The following TSHZ2 variants were observed in gnomAD, a reference collection of about 807,000 sequenced individuals.
The protein encoded by TSHZ2 is teashirt homolog 2.
Under a neutral mutation model 74.4 loss-of-function variants are expected in TSHZ2, and 21 were observed. That is an observed-to-expected ratio of 0.28 (90% confidence interval 0.20 to 0.41). TSHZ2 has a LOEUF of 0.41. Among genes scored for constraint, TSHZ2 ranks in the 10% least tolerant of loss-of-function variants. The pLI is 1.00. For synonymous variants in TSHZ2, 540 were observed against 515.3 expected (o/e 1.05, Z -0.65); for missense variants, 1,244 against 1,293.5 (o/e 0.96, Z 0.59).
chr20:53,388,346 A>G (rs755805538), intron 2 of TSHZ2, among the ~76,000 whole-genome samples: 4 of 152,238 alleles, frequency 2.6e-5, no homozygotes, highest in Non-Finnish European at 4.4e-5. Context: ...ATTATTGGGT[A>G]TTCGCTCTGT....
chr20:53,248,812 T>C (rs1990262414), intron 1 of TSHZ2, among the ~76,000 whole-genome samples: 1 of 152,080 alleles, frequency 6.6e-6, no homozygotes, highest in African/African-American at 2.4e-5. Context: ...AAAAGATGAT[T>C]TATGGGGATG....
At chr20:53,137,618 ACT>A (rs2123403931) in intron 1 of TSHZ2, among the ~76,000 whole-genome samples, 1 of 151,776 alleles carries the variant, frequency 6.6e-6, no homozygotes, top group African/African-American at 2.4e-5. Context: ...TGAGTCCCTA[ACT>A]CTCTTCACCC....
chr20:53,365,561 T>C (rs1354697997), intron 2 of TSHZ2, among the ~76,000 whole-genome samples: 1 of 152,218 alleles, frequency 6.6e-6, no homozygotes, highest in African/African-American at 2.4e-5. Flanking sequence ...AGATGCCGTT[T>C]ACGCTAAGAG....
intron 2 of TSHZ2, among the ~76,000 whole-genome samples, chr20:53,434,837 G>A (rs2145740250): frequency 6.6e-6 from 1 of 152,374 alleles, no homozygotes; most frequent in Non-Finnish European, 1.5e-5. Flanking sequence ...CTTTGGCCAA[G>A]CCGAGAGCAC....
At chr20:53,251,730 G>A (rs373887413) in intron 1 of TSHZ2, among the ~76,000 whole-genome samples, 150 of 152,300 alleles carry the variant, frequency 9.8e-4, no homozygotes, top group African/African-American at 3.5e-3. Flanking sequence ...TTGTTTTACG[G>A]TATTCTGTCA....
At chr20:53,219,402 C>G (rs1252307895) in intron 1 of TSHZ2, among the ~76,000 whole-genome samples, 1 of 152,170 alleles carries the variant, frequency 6.6e-6, no homozygotes, top group Non-Finnish European at 1.5e-5. Flanking sequence ...ATGGAATATT[C>G]ATCCCTGTTT....
At position 53,253,604 on chromosome 20, in the gene TSHZ2, G is replaced by A; in HGVS notation, c.146G>A (p.Gly49Glu). ...VAQLQGGNDT[G>E]TDEELETGPE... ...CAACTGCAGGGTGGCAATGACACAG[G>A]GACGGACGAGGAGCTAGAAACGGGC... The change falls in exon 2 of 3, where the codon GGG (glycine) becomes GAG (glutamate). Residue 49 changes from glycine to glutamate, a missense_variant. Physicochemically the swap from Gly to Glu is moderately conservative, Grantham distance 98. Around this residue, in one of 6 missense-constraint regions of TSHZ2, gnomAD observed 470 missense variants for 456.5 expected, o/e 1.03. Transcript: ENST00000371497. 1.2e-6 allele frequency: 2 copies of A among 1,614,152 alleles called. No individual in the cohort carries two copies. The highest frequency in any genetic ancestry group is 8.5e-7 in the Non-Finnish European group (1 of 1,180,036).
intron 2 of TSHZ2, among the ~76,000 whole-genome samples, chr20:53,355,376 A>G (rs1279357508): frequency 6.6e-6 from 1 of 152,194 alleles, no homozygotes; most frequent in South Asian, 2.1e-4. Flanking sequence ...TCAGCTAGTG[A>G]GTGGACAAAT....
chr20:53,446,578 CAAAAAA>C (rs5841946), intron 2 of TSHZ2, among the ~76,000 whole-genome samples: 75 of 105,822 alleles, frequency 7.1e-4, no homozygotes, highest in African/African-American at 2.4e-3. Flanking sequence ...GACTCTGTCG[CAAAAAA>C]AAAAAAAAAA....
At position 53,463,424 on chromosome 20, in the gene TSHZ2, AAGGAAGGAAGG is replaced by A. The variant is rs1317406101; in HGVS notation, c.*9-23716_*9-23706del. ...GAAGGAAGGAAGGAAGGAAGGAAGG[AAGGAAGGAAGG>A]AGGGAGGGAGGGAAGGAAGGAAGGA... On this transcript the variant is annotated intron_variant, in intron 2 of 2. Coordinates refer to ENST00000371497, the MANE Select transcript of TSHZ2 (RefSeq NM_173485.6). 1.9e-3 allele frequency among the ~76,000 whole-genome samples: 223 copies of A among 120,504 alleles called. 2 individuals carry two copies. Among genetic ancestry groups the A allele is most frequent in the African/African-American group, 4.9e-3 (147 of 29,738 alleles). The allele number at this position is 120,504 out of a possible 152,430, so 79.1% of individuals were successfully genotyped here.
chr20:53,082,811 G>T (rs1907863700), intron 1 of TSHZ2, among the ~76,000 whole-genome samples: 1 of 152,242 alleles, frequency 6.6e-6, no homozygotes. Flanking sequence ...TTATGGGAAG[G>T]TGTTGGCTAT....
At chr20:53,467,761 C>T (rs1030789088) in intron 2 of TSHZ2, among the ~76,000 whole-genome samples, 1 of 152,116 alleles carries the variant, frequency 6.6e-6, no homozygotes, top group Admixed American at 6.5e-5. Context: ...AAAGTTGGGC[C>T]ACCAATTTGA....
Position 53,211,907 on chromosome 20 carries a change from G to A in TSHZ2, c.41-41592G>A, listed in dbSNP as rs116426049. Among the ~76,000 whole-genome samples the A allele has an allele frequency of 3.3e-3, 509 of 152,184 alleles. 4 individuals carry two copies. Among genetic ancestry groups the A allele is most frequent in the African/African-American group, 0.012 (481 of 41,512 alleles). ...CCCTCCCACCCTCTCCCTCTTTGGA[G>A]TCCCTGGTGTCTGTTATTGTCATAA... is the stretch of plus-strand genomic sequence containing the variant. On this transcript the variant is annotated intron_variant, in intron 1 of 2. Coordinates refer to ENST00000371497, the MANE Select transcript of TSHZ2 (RefSeq NM_173485.6).
intron 2 of TSHZ2, among the ~76,000 whole-genome samples, chr20:53,356,328 C>T (rs1160076326): frequency 1.3e-5 from 2 of 152,114 alleles, no homozygotes; most frequent in Non-Finnish European, 2.9e-5. Context: ...CTCAGTTAGT[C>T]CAGCACCAGA....
chr20:53,048,967 C>T (rs946755885), intron 1 of TSHZ2, among the ~76,000 whole-genome samples: 2 of 152,218 alleles, frequency 1.3e-5, no homozygotes, highest in Non-Finnish European at 2.9e-5. Flanking sequence ...CAGGATTTCT[C>T]TCATTCATTC....
chr20:53,049,494 T>C (rs1212144521), intron 1 of TSHZ2, among the ~76,000 whole-genome samples: 1 of 152,198 alleles, frequency 6.6e-6, no homozygotes, highest in Non-Finnish European at 1.5e-5. Context: ...CCATCCCCAG[T>C]GACGTAGGGA....
In TSHZ2 at chr20:53,358,023, A is replaced by G. The variant is rs1451432724; in HGVS notation, c.*8+101452A>G. On this transcript the variant is annotated intron_variant, in intron 2 of 2. Transcript: ENST00000371497. ...TTCCCAAGTGGAAAACTATTCCTGG[A>G]AAGAACCAGGGAGAGATGGTATAAT... Among the ~76,000 whole-genome samples, 7 of 152,336 alleles carry G rather than the reference A, an allele frequency of 4.6e-5. No individual in the cohort carries two copies. In the East Asian group the frequency reaches 1.4e-3, roughly 29 times the overall value.
At chr20:53,157,052 T>G (rs1987812103) in intron 1 of TSHZ2, among the ~76,000 whole-genome samples, 1 of 152,226 alleles carries the variant, frequency 6.6e-6, no homozygotes, top group Non-Finnish European at 1.5e-5. Flanking sequence ...GCAAGCTTTA[T>G]TACTGCATGT....
Position 53,080,017 on chromosome 20 carries a change from A to G in TSHZ2, c.40+106684A>G, listed in dbSNP as rs544185447. On this transcript the variant is annotated intron_variant, in intron 1 of 2. Coordinates refer to ENST00000371497, the MANE Select transcript of TSHZ2 (RefSeq NM_173485.6). ...TGTTGCCTAGCTAACTGGAAATCTG[A>G]CTGAATTTCCAGACTAGCTCAGCTT... 1.1e-4 allele frequency among the ~76,000 whole-genome samples: 16 copies of G among 152,268 alleles called. No homozygotes were observed. The South Asian group carries it at 3.3e-3, about 32-fold the overall frequency.
Sources: allele counts gnomAD v4.1 joint callset (sites outside exome capture counted in the v4.1 genomes callset), GRCh38; gene constraint gnomAD v4.1.1; regional missense constraint gnomAD v4.1.1; transcripts MANE v1.5; gene names NCBI Gene and HGNC (gene_info 2026-07-23, HGNC 2026-07-21).